The following PCLO variants were observed in gnomAD, a reference collection of about 807,000 sequenced individuals.
The protein encoded by PCLO is protein piccolo.
In PCLO, 82 loss-of-function variants were observed where a neutral mutation model predicts 427.5. The ratio of observed to expected loss-of-function variants is 0.19; its 90% CI spans 0.16 to 0.23. PCLO has a LOEUF of 0.23. Ranked by LOEUF, PCLO falls within the 10% of genes least tolerant of loss-of-function variation. The probability of loss-of-function intolerance (pLI) is 1.00; values close to 1 mark genes in which losing one functional copy is unlikely to be tolerated. For synonymous variants in PCLO, 2,357 were observed against 2,155.4 expected, an observed-to-expected ratio of 1.09 and a Z score of -2.59; for missense variants, 6,239 against 6,115.9, an observed-to-expected ratio of 1.02 and a Z score of -0.67.
In PCLO at chr7:82,841,492, C is replaced by T. The variant is rs767058188; in HGVS notation, c.14064G>A (p.Lys4688=). 1.3e-6 allele frequency: 2 copies of T among 1,593,960 alleles called. No individual in the cohort carries two copies. The highest frequency in any genetic ancestry group is 1.1e-5 in the South Asian group (1 of 90,524). ...CTCCTGTAATTGGATGAGAGACAAC[C>T]TTTGTTCCATCGGTAGGCTGTAATA... ...HGSSKPTDGT[K]VVSHPITGEI... Residue 4688 remains lysine (K), a synonymous_variant, in exon 14 of 25, where the codon AAG becomes AAA. Transcript: ENST00000333891.
At chr7:83,008,496 A>G (rs1788001491) in intron 3 of PCLO, among the ~76,000 whole-genome samples, 1 of 151,730 alleles carries the variant, frequency 6.6e-6, no homozygotes, top group Non-Finnish European at 1.5e-5. Flanking sequence ...AAGTAAGTTC[A>G]TCAAGTTTCA....
rs1257705810 is a variant in PCLO at position 82,756,667 on chromosome 7, TG to T, written c.*1907del. ...TCAATATCCAACCAATATCTAGAGT[TG>T]GTTTTCTCTAATTCCACTAACACTT... On this transcript the variant is annotated 3_prime_UTR_variant, in exon 25 of 25. Transcript: ENST00000333891. 2.0e-5 allele frequency: 3 copies of T among 152,008 alleles called. No homozygotes were observed. The highest frequency in any genetic ancestry group is 7.2e-5 in the African/African-American group (3 of 41,398). The allele number at this position is 152,008 out of a possible 1,614,324, so 9.4% of individuals were successfully genotyped here.
In PCLO at chr7:83,134,367, G is replaced by T; in HGVS notation, c.3183C>A (p.Leu1061=). The part of the protein sequence containing the change: ...KSPKPESTCP[L]CKTELNIGSK... Reference sequence around the variant, plus strand: ...AACCTATGTTGAGTTCAGTTTTGCAGAGAGGACAGGTTGATTCTGGTTTGG... The same window carrying T: ...AACCTATGTTGAGTTCAGTTTTGCATAGAGGACAGGTTGATTCTGGTTTGG... The change falls in exon 3 of 25, where the codon CTC becomes CTA. Residue 1061 remains leucine (L), a synonymous_variant. Transcript: ENST00000333891. 6.2e-7 allele frequency: 1 copy of T among 1,613,684 alleles called. No individual in the cohort carries two copies. Among genetic ancestry groups the T allele is most frequent in the South Asian group, 1.1e-5 (1 of 91,022 alleles).
chr7:83,126,230 G>T (rs2371541), intron 3 of PCLO, among the ~76,000 whole-genome samples: 74,499 of 152,004 alleles, frequency 0.49, 19,206 homozygotes, highest in East Asian at 0.69. Flanking sequence ...AGGCTGGGAA[G>T]GATAGTGGGT....
At chr7:83,072,579 A>G (rs1282300946) in intron 3 of PCLO, among the ~76,000 whole-genome samples, 3 of 151,994 alleles carry the variant, frequency 2.0e-5, no homozygotes, top group African/African-American at 7.2e-5. Flanking sequence ...TGACTTTGCC[A>G]TTATCTCTGA....
At chr7:82,925,039 T>G (rs1020701449) in intron 6 of PCLO, among the ~76,000 whole-genome samples, 1 of 152,100 alleles carries the variant, frequency 6.6e-6, no homozygotes, top group Admixed American at 6.6e-5. Context: ...TTCAACTATC[T>G]TCATCCAGGA....
intron 3 of PCLO, among the ~76,000 whole-genome samples, chr7:83,020,963 A>G (rs1788328189): frequency 6.6e-6 from 1 of 152,178 alleles, no homozygotes; most frequent in Non-Finnish European, 1.5e-5. Flanking sequence ...TATAGATAAC[A>G]ACTTGAGCAT....
In PCLO at chr7:83,043,912, C is replaced by CTTTTTTTTTTTTTTTT. The variant is rs869061778; in HGVS notation, c.3301-77441_3301-77426dup. On this transcript the variant is annotated intron_variant, in intron 3 of 24. Transcript: ENST00000333891. The stretch of plus-strand genomic sequence containing the variant: ...AACTCAATCTTATTACTATTATTTT[C>CTTTTTTTTTTTTTTTT]TTTTTTTTTTTTTTTTTTTTTTTGC... 2.7e-4 allele frequency among the ~76,000 whole-genome samples: 26 copies of CTTTTTTTTTTTTTTTT among 94,910 alleles called. 1 individual carries two copies. The highest frequency in any genetic ancestry group is 4.5e-4 in the African/African-American group (11 of 24,534). 62.3% of individuals were successfully genotyped at this position (94,910 alleles called of 152,430 possible). A position where few individuals can be genotyped will look rare whatever the true frequency, so the allele number is the denominator to read the frequency against.
In PCLO at chr7:83,096,802, TTAA is replaced by T. The variant is rs1448049271; in HGVS notation, c.3300+37445_3300+37447del. 1.5e-3 allele frequency among the ~76,000 whole-genome samples: 138 copies of T among 93,834 alleles called. 7 individuals carry two copies. Among genetic ancestry groups the T allele is most frequent in the African/African-American group, 6.1e-3 (130 of 21,330 alleles). The allele number at this position is 93,834 out of a possible 152,430, so 61.6% of individuals were successfully genotyped here. On this transcript the variant is annotated intron_variant, in intron 3 of 24. Transcript: ENST00000333891. Reference sequence around the variant, plus strand: ...TAATATAAATATATATAAAAATATATTAATATTATATAATATAAATATATAAAA... The same window carrying T: ...TAATATAAATATATATAAAAATATATTATTATATAATATAAATATATAAAA...
chr7:83,140,339 A>G (rs1008982420), intron 2 of PCLO, among the ~76,000 whole-genome samples: 1 of 152,142 alleles, frequency 6.6e-6, no homozygotes, highest in African/African-American at 2.4e-5. Flanking sequence ...TCAAACCTCA[A>G]TGCCTTAATG....
chr7:82,834,458 G>C (rs1180068777), intron 16 of PCLO, among the ~76,000 whole-genome samples: 1 of 152,084 alleles, frequency 6.6e-6, no homozygotes, highest in Middle Eastern at 3.2e-3. Context: ...AAATCCTATT[G>C]TTTGAAATAT....
At chr7:83,127,287 T>G (rs1004107678) in intron 3 of PCLO, among the ~76,000 whole-genome samples, 1 of 152,066 alleles carries the variant, frequency 6.6e-6, no homozygotes, top group African/African-American at 2.4e-5. Flanking sequence ...AAAATATGTG[T>G]AAGTTCACAT....
intron 3 of PCLO, among the ~76,000 whole-genome samples, chr7:83,008,058 T>G (rs1215759702): frequency 6.6e-6 from 1 of 151,690 alleles, no homozygotes; most frequent in Non-Finnish European, 1.5e-5. Flanking sequence ...GCCTACCCTA[T>G]ATTCCAAGTA....
In PCLO at chr7:82,758,494, G is replaced by A. The variant is rs1352028173; in HGVS notation, c.*81C>T. On this transcript the variant is annotated 3_prime_UTR_variant, in exon 25 of 25. Transcript: ENST00000333891. Reference sequence around the variant, plus strand: ...TCTTATGTTTGCCTCTCAAAACTTAGCTTTGTACAATAGTATTCAACTATA... The same window carrying A: ...TCTTATGTTTGCCTCTCAAAACTTAACTTTGTACAATAGTATTCAACTATA... 2 of 1,205,848 alleles carry A rather than the reference G, an allele frequency of 1.7e-6. No individual in the cohort carries two copies. 74.7% of individuals were successfully genotyped at this position (1,205,848 alleles called of 1,614,324 possible). A position where few individuals can be genotyped will look rare whatever the true frequency, so the allele number is the denominator to read the frequency against.
intron 10 of PCLO, among the ~76,000 whole-genome samples, chr7:82,877,920 C>G (rs1360908159): frequency 6.6e-6 from 1 of 152,140 alleles, no homozygotes; most frequent in East Asian, 1.9e-4. Context: ...GATCTGCCCG[C>G]CTTGGCCTTC....
chr7:82,880,846 T>C lies in PCLO; in HGVS notation c.13529-1384A>G, dbSNP rs557592824. ...GCTATAAAAATTAGAAAGATTGACATTGTTGTAAAACTAAAACAAGAAAAT... is the reference window on the plus strand; with the variant it reads ...GCTATAAAAATTAGAAAGATTGACACTGTTGTAAAACTAAAACAAGAAAAT... On this transcript the variant is annotated intron_variant, in intron 9 of 24. Coordinates refer to ENST00000333891, the MANE Select transcript of PCLO (RefSeq NM_033026.6). Among the ~76,000 whole-genome samples, 38 of 152,308 alleles carry C rather than the reference T, an allele frequency of 2.5e-4. 1 individual carries two copies. Among genetic ancestry groups the C allele is most frequent in the African/African-American group, 8.4e-4 (35 of 41,580 alleles).
At chr7:82,819,730 T>G (rs952811125) in intron 20 of PCLO, among the ~76,000 whole-genome samples, 2 of 152,146 alleles carry the variant, frequency 1.3e-5, no homozygotes, top group African/African-American at 4.8e-5. Flanking sequence ...ATGCGACATA[T>G]ATCTTACATT....
At chr7:82,858,715 A>G (rs1185068068) in intron 10 of PCLO, among the ~76,000 whole-genome samples, 1 of 152,174 alleles carries the variant, frequency 6.6e-6, no homozygotes, top group Non-Finnish European at 1.5e-5. Context: ...AATATCATAT[A>G]TGATAGCTAC....
Position 82,956,616 on chromosome 7 carries a change from G to C in PCLO, c.4337C>G (p.Pro1446Arg). ...TQPHEVSPEQ[P>R]KDQEKTQSLS... The stretch of plus-strand genomic sequence containing the variant: ...ACTCTGAGTTTTCTCTTGGTCTTTA[G>C]GCTGTTCAGGAGAAACTTCATGGGG... The change falls in exon 5 of 25, where the codon CCT becomes CGT. Residue 1446 changes from proline (P) to arginine (R), a missense_variant. This residue lies in a region of PCLO where 4,677 missense variants were observed against 4,468.4 expected (regional missense o/e 1.05). Coordinates refer to ENST00000333891, the MANE Select transcript of PCLO (RefSeq NM_033026.6). 1 of 1,613,676 alleles carries C rather than the reference G, an allele frequency of 6.2e-7. No individual in the cohort carries two copies. Among genetic ancestry groups the C allele is most frequent in the Non-Finnish European group, 8.5e-7 (1 of 1,179,804 alleles).
Sources: gnomAD v4.1 joint callset for allele counts (sites outside exome capture counted in the v4.1 genomes callset) on GRCh38, gnomAD v4.1.1 for gene constraint, gnomAD v4.1.1 regional missense constraint, MANE v1.5 for transcripts, NCBI Gene and HGNC (gene_info 2026-07-23, HGNC 2026-07-21) for gene names.